Variants in ZNRF2 observed in about 807,000 individuals in gnomAD.
ZNRF2 encodes the protein zinc and ring finger 2, also known as E3 ubiquitin-protein ligase ZNRF2.
In ZNRF2, 16 loss-of-function variants were observed where a neutral mutation model predicts 20.4. That is an observed-to-expected ratio of 0.79 (90% CI 0.53 to 1.19). The LOEUF (loss-of-function observed/expected upper bound fraction) is 1.19, where lower values mean the gene tolerates loss of function less well. ZNRF2 is among the 50% of genes most tolerant of loss of function. ZNRF2 has a pLI of 0.00. For synonymous variants in ZNRF2, 178 were observed against 144.9 expected, an observed-to-expected ratio of 1.23 and a Z score of -1.64; for missense variants, 363 against 332.4, an observed-to-expected ratio of 1.09 and a Z score of -0.72.
chr7:30,314,261 G>A (rs1312790788), intron 1 of ZNRF2, among the ~76,000 whole-genome samples: 1 of 152,076 alleles, frequency 6.6e-6, no homozygotes, highest in Non-Finnish European at 1.5e-5. Context: ...TTCTAATAAA[G>A]TTGTAATTTT....
intron 4 of ZNRF2, among the ~76,000 whole-genome samples, chr7:30,364,933 G>T (rs930249502): frequency 5.9e-5 from 9 of 152,040 alleles, no homozygotes; most frequent in Non-Finnish European, 2.9e-5. Flanking sequence ...AGGGCTCATT[G>T]CTCATTTATG....
intron 1 of ZNRF2, among the ~76,000 whole-genome samples, chr7:30,290,936 TCTC>T: frequency 6.6e-6 from 1 of 152,216 alleles, no homozygotes; most frequent in Non-Finnish European, 1.5e-5. Flanking sequence ...ACTGCTCAAC[TCTC>T]CATTGAATTT....
intron 3 of ZNRF2, among the ~76,000 whole-genome samples, chr7:30,359,923 TG>T: frequency 6.6e-6 from 1 of 152,202 alleles, no homozygotes; most frequent in African/African-American, 2.4e-5. Context: ...ATCAAAAGCC[TG>T]TATATTATAA....
chr7:30,306,261 C>G (rs1373201340), intron 1 of ZNRF2, among the ~76,000 whole-genome samples: 4 of 151,654 alleles, frequency 2.6e-5, no homozygotes, highest in African/African-American at 9.7e-5. Context: ...ACATAAAATA[C>G]TTAAAATAAT....
chr7:30,354,444 C>T (rs781770051), intron 2 of ZNRF2, among the ~76,000 whole-genome samples: 1 of 152,068 alleles, frequency 6.6e-6, no homozygotes, highest in Non-Finnish European at 1.5e-5. Flanking sequence ...CTTATGTAGA[C>T]CAAATAGAGT....
chr7:30,331,369 CAG>C (rs1415709747), intron 2 of ZNRF2, among the ~76,000 whole-genome samples: 8 of 152,072 alleles, frequency 5.3e-5, no homozygotes, highest in South Asian at 2.1e-4. Flanking sequence ...AAATAAAGAA[CAG>C]AAAGTTTTGA....
At chr7:30,342,068 T>C (rs1799804185) in intron 2 of ZNRF2, among the ~76,000 whole-genome samples, 1 of 151,824 alleles carries the variant, frequency 6.6e-6, no homozygotes, top group African/African-American at 2.4e-5. Flanking sequence ...TTTTTTGCTT[T>C]CCATTTGCTT....
intron 1 of ZNRF2, among the ~76,000 whole-genome samples, chr7:30,316,954 A>G (rs1424821836): frequency 6.6e-6 from 1 of 152,158 alleles, no homozygotes; most frequent in Non-Finnish European, 1.5e-5. Context: ...TATGTTTTAT[A>G]TAGTCTAAAG....
intron 1 of ZNRF2, among the ~76,000 whole-genome samples, chr7:30,312,139 G>C (rs1799300989): frequency 6.6e-6 from 1 of 152,020 alleles, no homozygotes; most frequent in South Asian, 2.1e-4. Context: ...ACCATGCCTG[G>C]CTAATTTAAA....
chr7:30,359,067 G>A (rs1800083683), intron 3 of ZNRF2, among the ~76,000 whole-genome samples: 1 of 152,154 alleles, frequency 6.6e-6, no homozygotes. Flanking sequence ...ATGGTGCTGG[G>A]ATCAATTGGT....
rs1031485707 is a variant in ZNRF2 at position 30,360,956 on chromosome 7, T to A, written c.672-1421T>A. On this transcript the variant is annotated intron_variant, in intron 3 of 4. Coordinates refer to ENST00000323037, the MANE Select transcript of ZNRF2 (RefSeq NM_147128.4). The stretch of plus-strand genomic sequence containing the variant: ...CTAGGTCTGAGAGAAGGGAATATAA[T>A]CATGTAAATAACAAATGAATATAGC... Among the ~76,000 whole-genome samples, 2 of 152,150 alleles carry A rather than the reference T, an allele frequency of 1.3e-5. 1 individual carries two copies. Among genetic ancestry groups the A allele is most frequent in the Admixed American group, 1.3e-4 (2 of 15,276 alleles).
intron 1 of ZNRF2, among the ~76,000 whole-genome samples, chr7:30,303,263 CAA>C (rs747523201): frequency 2.6e-4 from 28 of 106,954 alleles, no homozygotes; most frequent in Non-Finnish European, 2.4e-4. Context: ...GATCCTGTCT[CAA>C]AAAAAAAAAA....
chr7:30,334,024 T>C (rs566568117), intron 2 of ZNRF2, among the ~76,000 whole-genome samples: 48 of 152,328 alleles, frequency 3.2e-4, no homozygotes, highest in South Asian at 1.0e-3. Context: ...AATTTTATTT[T>C]TGTTGCGTTT....
In ZNRF2 at chr7:30,285,218, C is replaced by T; in HGVS notation, c.-140C>T. On this transcript the variant is annotated 5_prime_UTR_variant, in exon 1 of 5. Transcript: ENST00000323037. ...CGGGCGCCGACTGCCCCTCTGGACG[C>T]CGGGCGGCGGCCCTGGACGTGCGGG... 1 of 628,840 alleles carries T rather than the reference C, an allele frequency of 1.6e-6. No individual in the cohort carries two copies. The highest frequency in any genetic ancestry group is 6.4e-4 in the Middle Eastern group (1 of 1,572). 39.0% of individuals were successfully genotyped at this position (628,840 alleles called of 1,614,324 possible).
intron 1 of ZNRF2, among the ~76,000 whole-genome samples, chr7:30,287,850 A>G (rs186930951): frequency 7.9e-4 from 121 of 152,256 alleles, no homozygotes; most frequent in Non-Finnish European, 5.9e-5. Context: ...TTCTTGGAAC[A>G]ATTGAGAAAA....
chr7:30,298,464 T>G (rs975510715), intron 1 of ZNRF2, among the ~76,000 whole-genome samples: 3 of 152,246 alleles, frequency 2.0e-5, no homozygotes, highest in Non-Finnish European at 2.9e-5. Flanking sequence ...GGCCATTTTC[T>G]TAGGGATATT....
At chr7:30,346,769 G>T (rs1055771382) in intron 2 of ZNRF2, among the ~76,000 whole-genome samples, 1 of 151,280 alleles carries the variant, frequency 6.6e-6, no homozygotes, top group Non-Finnish European at 1.5e-5. Context: ...TTTAGCCTAG[G>T]GATTACTTTC....
At chr7:30,361,396 A>G (rs1359996533) in intron 3 of ZNRF2, among the ~76,000 whole-genome samples, 1 of 152,204 alleles carries the variant, frequency 6.6e-6, no homozygotes, top group Non-Finnish European at 1.5e-5. Context: ...AAACCAACCT[A>G]TCTGGACATG....
chr7:30,315,068 A>G lies in ZNRF2; in HGVS notation c.470-8574A>G, dbSNP rs940810317. Among the ~76,000 whole-genome samples, 6 of 152,170 alleles carry G rather than the reference A, an allele frequency of 3.9e-5. No homozygotes were observed. In the East Asian group the frequency reaches 9.7e-4, roughly 25 times the overall value. ...CCTGACATTGTGATCTGCCCACCTC[A>G]GCCTCCCAAAGTGCTGGGATTACAG... On this transcript the variant is annotated intron_variant, in intron 1 of 4. Coordinates refer to ENST00000323037, the MANE Select transcript of ZNRF2 (RefSeq NM_147128.4).
Sources: gnomAD v4.1 joint callset for allele counts (sites outside exome capture counted in the v4.1 genomes callset) on GRCh38, gnomAD v4.1.1 for gene constraint, MANE v1.5 for transcripts, NCBI Gene and HGNC (gene_info 2026-07-23, HGNC 2026-07-21) for gene names.